ATP8B1: variants seen among roughly 807,000 people sequenced by gnomAD.
ATP8B1 encodes the protein phospholipid-transporting ATPase IC.
A neutral mutation model predicts 149.9 loss-of-function variants in ATP8B1; 80 were observed. The observed-to-expected ratio is 0.53, with a 90% confidence interval of 0.45 to 0.64. The LOEUF (loss-of-function observed/expected upper bound fraction) is 0.64. Among genes scored for constraint, ATP8B1 ranks in the 30% least tolerant of loss-of-function variants. ATP8B1 has a pLI of 0.00. For missense variants in ATP8B1, 1,247 were observed against 1,552.6 expected (o/e 0.80, Z 3.31); for synonymous variants, 536 against 562.8 (o/e 0.95, Z 0.67).
chr18:57,732,249 ATATG>A (rs1433421473), intron 1 of ATP8B1, among the ~76,000 whole-genome samples: 2 of 24,232 alleles, frequency 8.3e-5, no homozygotes, highest in East Asian at 4.7e-3. Flanking sequence ...ATATATGTAT[ATATG>A]TATATATGTG....
chr18:57,759,581 G>A (rs1599203907), intron 1 of ATP8B1, among the ~76,000 whole-genome samples: 1 of 152,112 alleles, frequency 6.6e-6, no homozygotes, highest in East Asian at 1.9e-4. Flanking sequence ...AGGCTGAGGC[G>A]GGCGGATCAC....
intron 8 of ATP8B1, among the ~76,000 whole-genome samples, chr18:57,695,835 CA>C (rs1343839111): frequency 1.3e-5 from 2 of 152,204 alleles, no homozygotes; most frequent in Non-Finnish European, 2.9e-5. Flanking sequence ...CTAGGACTAC[CA>C]AAGTGCTGTT....
intron 2 of ATP8B1, among the ~76,000 whole-genome samples, chr18:57,711,072 A>C (rs1913664379): frequency 6.6e-6 from 1 of 152,226 alleles, no homozygotes; most frequent in African/African-American, 2.4e-5. Flanking sequence ...TTCTAGGTTC[A>C]AAAGAGAGCA....
intron 20 of ATP8B1, among the ~76,000 whole-genome samples, chr18:57,663,832 T>C (rs1910676860): frequency 6.7e-6 from 1 of 149,662 alleles, no homozygotes; most frequent in African/African-American, 2.5e-5. Context: ...AGTGGTGTTA[T>C]CTCAGCTCAC....
intron 1 of ATP8B1, among the ~76,000 whole-genome samples, chr18:57,758,469 C>A (rs961497751): frequency 6.9e-6 from 1 of 144,116 alleles, no homozygotes; most frequent in African/African-American, 2.5e-5. Context: ...GGAGAAACCC[C>A]GTCTCTACTA....
intron 1 of ATP8B1, among the ~76,000 whole-genome samples, chr18:57,762,262 CTGAG>C (rs1283955051): frequency 6.6e-6 from 1 of 151,886 alleles, no homozygotes; most frequent in Non-Finnish European, 1.5e-5. Flanking sequence ...CCTCAGCCTC[CTGAG>C]TAACTGGGAC....
intron 2 of ATP8B1, among the ~76,000 whole-genome samples, chr18:57,712,105 G>T (rs916524459): frequency 6.6e-6 from 1 of 150,684 alleles, no homozygotes; most frequent in Non-Finnish European, 1.5e-5. Context: ...CCAAATAGAA[G>T]CTCGCACGAA....
chr18:57,655,171 C>T, intron 23 of ATP8B1, 23 bp downstream of exon 23: 1 of 1,563,586 alleles, frequency 6.4e-7, no homozygotes, highest in Non-Finnish European at 8.8e-7. Context: ...TAGTAAATAA[C>T]AATAATAACA....
intron 14 of ATP8B1, 103 bp from the exon 15 acceptor site, chr18:57,684,295 A>G: frequency 2.4e-6 from 3 of 1,256,894 alleles, no homozygotes; most frequent in Non-Finnish European, 2.2e-6. Context: ...TTATGCAAAA[A>G]CCACCTTAGG....
At chr18:57,713,259 CTT>C in intron 2 of ATP8B1, among the ~76,000 whole-genome samples, 5 of 123,946 alleles carry the variant, frequency 4.0e-5, no homozygotes, top group African/African-American at 1.5e-4. Context: ...TTCTTTCTTT[CTT>C]TCTCTTTCTT....
At chr18:57,720,819 A>G (rs1456516418) in intron 2 of ATP8B1, among the ~76,000 whole-genome samples, 1 of 151,780 alleles carries the variant, frequency 6.6e-6, no homozygotes, top group Non-Finnish European at 1.5e-5. Flanking sequence ...TTGAAATGAA[A>G]GAAAAAATGT....
Position 57,695,169 on chromosome 18 carries a change from A to G in ATP8B1, c.940+2T>C. On this transcript the variant is annotated splice_donor_variant, in intron 10 of 27. Coordinates refer to ENST00000648908, the MANE Select transcript of ATP8B1 (RefSeq NM_001374385.1). LOFTEE classifies it high-confidence loss of function. ...TAATTTCCCAAGAAACTCTGAACGT[A>G]CCTGCAAAAATGACTAAGCCGTGGC... 6.2e-7 allele frequency: 1 copy of G among 1,614,054 alleles called. No homozygotes were observed. The highest frequency in any genetic ancestry group is 1.1e-5 in the South Asian group (1 of 91,082).
intron 26 of ATP8B1, 130 bp downstream of exon 26, chr18:57,651,904 G>A: frequency 8.4e-7 from 1 of 1,196,824 alleles, no homozygotes; most frequent in Non-Finnish European, 1.2e-6. Flanking sequence ...AAAATGCTGG[G>A]ATTACAGGTG....
chr18:57,669,769 C>T (rs1911118776), intron 17 of ATP8B1, among the ~76,000 whole-genome samples: 1 of 152,148 alleles, frequency 6.6e-6, no homozygotes, highest in African/African-American at 2.4e-5. Context: ...CTCACCTCAG[C>T]CTCCCAAGTA....
At chr18:57,759,531 C>G (rs1235145613) in intron 1 of ATP8B1, among the ~76,000 whole-genome samples, 2 of 152,042 alleles carry the variant, frequency 1.3e-5, no homozygotes, top group Non-Finnish European at 2.9e-5. Context: ...CAGGAAGGGC[C>G]GGGCACGGTG....
chr18:57,795,332 G>C (rs1198351900), intron 1 of ATP8B1, among the ~76,000 whole-genome samples: 1 of 151,464 alleles, frequency 6.6e-6, no homozygotes, highest in Non-Finnish European at 1.5e-5. Flanking sequence ...GAGCCCAGGA[G>C]TTCAAAGCTG....
chr18:57,704,632 T>C lies in ATP8B1; in HGVS notation c.316A>G (p.Thr106Ala). 1 of 1,610,790 alleles carries C rather than the reference T, an allele frequency of 6.2e-7. No homozygotes were observed. The highest frequency in any genetic ancestry group is 8.5e-7 in the Non-Finnish European group (1 of 1,176,976). Residue 106 changes from threonine (T) to alanine (A), a missense_variant, in exon 4 of 28, where the codon ACC becomes GCC. By Grantham distance (58) the Thr-to-Ala change is moderately conservative (BLOSUM62 0). Transcript: ENST00000648908. ...TCAAACAGATTCATTGGTATAAAGG[T>C]AAATGCGTTGTACTTGTATGTTTTA... Reference protein sequence around the residue: ...AIKTYKYNAFTFIPMNLFEQF... With the variant: ...AIKTYKYNAFAFIPMNLFEQF...
chr18:57,754,460 A>G (rs2123283557), intron 1 of ATP8B1, among the ~76,000 whole-genome samples: 1 of 151,904 alleles, frequency 6.6e-6, no homozygotes, highest in African/African-American at 2.4e-5. Flanking sequence ...ATATATATAT[A>G]TATTATGAAG....
At chr18:57,684,551 G>A (rs1912138809) in intron 14 of ATP8B1, among the ~76,000 whole-genome samples, 1 of 151,940 alleles carries the variant, frequency 6.6e-6, no homozygotes, top group Non-Finnish European at 1.5e-5. Flanking sequence ...TTTTTGTAGA[G>A]ATGGGGTTTC....
Sources: gnomAD v4.1 joint callset for allele counts (sites outside exome capture counted in the v4.1 genomes callset) on GRCh38, gnomAD v4.1.1 for gene constraint, MANE v1.5 for transcripts, NCBI Gene and HGNC (gene_info 2026-07-23, HGNC 2026-07-21) for gene names.